TNKS2: variants seen among roughly 807,000 people sequenced by gnomAD.
The protein encoded by TNKS2 is poly [ADP-ribose] polymerase tankyrase-2.
In TNKS2, 72 loss-of-function variants were observed where a neutral mutation model predicts 137.6. The ratio of observed to expected loss-of-function variants is 0.52; its 90% CI spans 0.43 to 0.64. The LOEUF (loss-of-function observed/expected upper bound fraction) is 0.64, where lower values mean the gene tolerates loss of function less well. TNKS2 is among the 30% of genes least tolerant of loss of function. The probability of loss-of-function intolerance (pLI) is 0.00; values close to 1 mark genes in which losing one functional copy is unlikely to be tolerated. For synonymous variants in TNKS2, 516 were observed against 512.1 expected (o/e 1.01, Z -0.10); for missense variants, 1,049 against 1,410.2 (o/e 0.74, Z 4.10).
intron 1 of TNKS2, among the ~76,000 whole-genome samples, chr10:91,810,856 T>G (rs1844473167): frequency 6.6e-6 from 1 of 151,214 alleles, no homozygotes; most frequent in East Asian, 2.0e-4. Flanking sequence ...GCATTCTGTG[T>G]CCTGGCTGTT....
rs750481886 is a variant in TNKS2, at chr10:91,842,187, A to C, written c.1855A>C (p.Thr619Pro). 6.2e-7 allele frequency: 1 copy of C among 1,612,598 alleles called. No individual in the cohort carries two copies. The highest frequency in any genetic ancestry group is 8.5e-7 in the Non-Finnish European group (1 of 1,178,974). The change falls in exon 16 of 27, where the codon ACA (threonine) becomes CCA (proline). Residue 619 changes from threonine to proline, a missense_variant. By Grantham distance (38) the Thr-to-Pro change is conservative. This residue lies in a region of TNKS2 where 328 missense variants were observed against 436.0 expected (regional missense o/e 0.75). Coordinates refer to ENST00000371627, the MANE Select transcript of TNKS2 (RefSeq NM_025235.4). The stretch of plus-strand genomic sequence containing the variant: ...ACATGCCTAGCATGGTGCAGACCCT[A>C]CAAAAAAAAACAGGGATGGAAATAC... ...KLLLQHGADP[T>P]KKNRDGNTPL...
intron 9 of TNKS2, among the ~76,000 whole-genome samples, chr10:91,828,706 G>C (rs997167413): frequency 1.3e-5 from 2 of 152,208 alleles, no homozygotes; most frequent in East Asian, 1.9e-4. Flanking sequence ...CTTTTTAGGG[G>C]TTATAAAAAT....
rs1173220272 is a variant in TNKS2 at position 91,863,012 on chromosome 10, AG to A, written c.*14del. On this transcript the variant is annotated 3_prime_UTR_variant, in exon 27 of 27. Transcript: ENST00000371627. ...GGTCGATGGATAAATAGTTATTTTA[AG>A]AAACTAATTCCACTGAACCTAAAAT... The A allele has an allele frequency of 6.3e-7, 1 of 1,583,900 alleles. No homozygotes were observed. Among genetic ancestry groups the A allele is most frequent in the East Asian group, 2.2e-5 (1 of 44,684 alleles).
chr10:91,798,827 C>T lies in TNKS2; in HGVS notation c.137C>T (p.Pro46Leu). The T allele has an allele frequency of 1.5e-6, 2 of 1,358,138 alleles. No individual in the cohort carries two copies. The highest frequency in any genetic ancestry group is 1.9e-6 in the Non-Finnish European group (2 of 1,046,764). The allele number at this position is 1,358,138 out of a possible 1,614,324, so 84.1% of individuals were successfully genotyped here. ...DVERVKRLVT[P>L]EKVNSRDTAG... ...GAACGAGTCAAGAGGCTGGTGACGCCTGAGAAGGTGAACAGCCGCGACACG... is the reference window on the plus strand; with the variant it reads ...GAACGAGTCAAGAGGCTGGTGACGCTTGAGAAGGTGAACAGCCGCGACACG... Residue 46 changes from proline (P) to leucine (L), a missense_variant, in exon 1 of 27, where the codon CCT (proline) becomes CTT (leucine). Physicochemically the swap from Pro to Leu is moderately conservative, Grantham distance 98. Around this residue, in one of 6 missense-constraint regions of TNKS2, gnomAD observed 374 missense variants for 460.8 expected, o/e 0.81. Transcript: ENST00000371627.
intron 1 of TNKS2, among the ~76,000 whole-genome samples, chr10:91,807,790 C>G (rs113611180): frequency 0.012 from 1,822 of 152,132 alleles, 16 homozygotes; most frequent in Non-Finnish European, 0.019. Context: ...GTCAGGAGAT[C>G]GAGACCATCC....
intron 2 of TNKS2, among the ~76,000 whole-genome samples, chr10:91,813,637 A>G (rs1363753782): frequency 2.0e-5 from 3 of 152,214 alleles, no homozygotes; most frequent in African/African-American, 7.2e-5. Flanking sequence ...AGCTTTAAAT[A>G]CCAGGTTAAG....
intron 1 of TNKS2, among the ~76,000 whole-genome samples, chr10:91,809,005 A>G (rs775588345): frequency 3.3e-5 from 5 of 152,148 alleles, no homozygotes; most frequent in Non-Finnish European, 7.3e-5. Flanking sequence ...TAGTGTGTAT[A>G]GTAGTAAGAT....
Position 91,844,973 on chromosome 10 carries a change from T to G in TNKS2, c.2114T>G (p.Val705Gly), listed in dbSNP as rs1842325154. ...TATTTGTTACAACACGGAGCTGATG[T>G]GAATGCCCAAGACAAAGGAGGACTT... is the stretch of plus-strand genomic sequence containing the variant. ...AEYLLQHGAD[V>G]NAQDKGGLIP... Residue 705 changes from valine to glycine, a missense_variant, in exon 17 of 27, where the codon GTG becomes GGG. Transcript: ENST00000371627. 1 of 1,613,586 alleles carries G rather than the reference T, an allele frequency of 6.2e-7. No individual in the cohort carries two copies. Among genetic ancestry groups the G allele is most frequent in the African/African-American group, 1.3e-5 (1 of 74,918 alleles).
rs10647275 is a variant in TNKS2 at position 91,822,556 on chromosome 10, A to ATGTTTTGTTT, written c.795+211_795+220dup. On this transcript the variant is annotated intron_variant, in intron 7 of 26. Coordinates refer to ENST00000371627, the MANE Select transcript of TNKS2 (RefSeq NM_025235.4). Reference sequence around the variant, plus strand: ...TGCTTTGAGATTTTTGAGATACCATATGTTTTGTTTTGTTTTGTTTTGTTT... The same window carrying ATGTTTTGTTT: ...TGCTTTGAGATTTTTGAGATACCATATGTTTTGTTTTGTTTTGTTTTGTTTTGTTTTGTTT... Among the ~76,000 whole-genome samples, 111 of 150,394 alleles carry ATGTTTTGTTT rather than the reference A, an allele frequency of 7.4e-4. 2 individuals are homozygous for ATGTTTTGTTT. Among genetic ancestry groups the ATGTTTTGTTT allele is most frequent in the South Asian group, 3.4e-3 (16 of 4,690 alleles).
At chr10:91,804,998 A>G (rs910466494) in intron 1 of TNKS2, among the ~76,000 whole-genome samples, 3 of 152,138 alleles carry the variant, frequency 2.0e-5, no homozygotes, top group African/African-American at 4.8e-5. Context: ...TCCTGACCTC[A>G]GGTGATCCAC....
intron 24 of TNKS2, 129 bp from the exon 25 acceptor site, chr10:91,859,333 C>A (rs1019487164): frequency 2.9e-5 from 18 of 626,956 alleles, no homozygotes; most frequent in Non-Finnish European, 4.3e-5. Context: ...TAACTTGTTA[C>A]CCTTTTTCGT....
rs139013609 is a variant in TNKS2 at position 91,857,471 on chromosome 10, G to A, written c.3035G>A (p.Arg1012Gln). 40 of 1,611,308 alleles carry A rather than the reference G, an allele frequency of 2.5e-5. No individual in the cohort carries two copies. In the African/African-American group the frequency reaches 2.5e-4, roughly 10 times the overall value. Residue 1012 changes from arginine (R) to glutamine (Q), a missense_variant, in exon 24 of 27, where the codon CGG becomes CAG. By Grantham distance (43) the Arg-to-Gln change is conservative. Around this residue, in one of 6 missense-constraint regions of TNKS2, gnomAD observed 133 missense variants for 248.4 expected, o/e 0.54. Transcript: ENST00000371627. ...NKKLWERYTH[R>Q]RKEVSEENHN... ...AAACTATGGGAAAGATACACTCACC[G>A]GAGAAAAGAAGTTTCTGAAGAAAAC...
chr10:91,841,538 TAAGCAATGGG>T, intron 15 of TNKS2, 90 bp downstream of exon 15: 1 of 1,002,128 alleles, frequency 1.0e-6, no homozygotes, highest in Non-Finnish European at 1.4e-6. Context: ...GTTAAACTAG[TAAGCAATGGG>T]AAGCAATGTT....
chr10:91,844,205 G>A (rs1325637111), intron 16 of TNKS2, among the ~76,000 whole-genome samples: 3 of 152,302 alleles, frequency 2.0e-5, no homozygotes, highest in Non-Finnish European at 4.4e-5. Flanking sequence ...CTTCTGCAGC[G>A]TTAAATACCA....
intron 2 of TNKS2, 83 bp from the exon 3 acceptor site, chr10:91,817,051 C>T (rs1844725809): frequency 2.2e-6 from 2 of 919,740 alleles, no homozygotes; most frequent in Non-Finnish European, 1.7e-6. Context: ...CTTTGCTGGA[C>T]CAGACTTCTT....
intron 6 of TNKS2, 87 bp downstream of exon 6, chr10:91,820,120 TACTAAATA>T (rs1844839669): frequency 7.9e-6 from 7 of 885,378 alleles, no homozygotes; most frequent in Non-Finnish European, 1.2e-5. Flanking sequence ...TAATATTTTT[TACTAAATA>T]ACATTAATAT....
chr10:91,854,441 A>G (rs1842642899), intron 21 of TNKS2, among the ~76,000 whole-genome samples: 1 of 152,196 alleles, frequency 6.6e-6, no homozygotes, highest in South Asian at 2.1e-4. Flanking sequence ...ATAAGTGGGG[A>G]AACTAGTGAA....
Position 91,823,025 on chromosome 10 carries a change from C to T in TNKS2, c.795+663C>T, listed in dbSNP as rs149641361. Among the ~76,000 whole-genome samples the T allele has an allele frequency of 1.1e-3, 157 of 148,322 alleles. No individual in the cohort carries two copies. In the East Asian group the frequency reaches 0.023, roughly 21 times the overall value. The stretch of plus-strand genomic sequence containing the variant: ...CCAAGATTGCACCACTGCACTCCAG[C>T]GCAGGCAAGAGTGAGACCTTGTCTC... On this transcript the variant is annotated intron_variant, in intron 7 of 26. Coordinates refer to ENST00000371627, the MANE Select transcript of TNKS2 (RefSeq NM_025235.4).
At chr10:91,849,771 G>A (rs1012778485) in intron 20 of TNKS2, among the ~76,000 whole-genome samples, 177 bp downstream of exon 20, 3 of 152,074 alleles carry the variant, frequency 2.0e-5, no homozygotes, top group Non-Finnish European at 4.4e-5. Flanking sequence ...TAGTTTATTC[G>A]CACACAGTTG....
Sources: allele counts gnomAD v4.1 joint callset (sites outside exome capture counted in the v4.1 genomes callset), GRCh38; gene constraint gnomAD v4.1.1; regional missense constraint gnomAD v4.1.1; transcripts MANE v1.5; gene names NCBI Gene and HGNC (gene_info 2026-07-23, HGNC 2026-07-21).